The following SRRM4 variants were observed in gnomAD, a reference collection of about 807,000 sequenced individuals.
The protein encoded by SRRM4 is serine/arginine repetitive matrix protein 4.
In SRRM4, 33 loss-of-function variants were observed where a neutral mutation model predicts 68.9. The observed-to-expected ratio is 0.48, with a 90% CI of 0.36 to 0.64. SRRM4 has a LOEUF of 0.64. Among genes scored for constraint, SRRM4 ranks in the 30% least tolerant of loss-of-function variants. The pLI, the probability that SRRM4 is intolerant of heterozygous loss-of-function variation, is 0.00. For missense variants in SRRM4, 817 were observed against 827.1 expected, an observed-to-expected ratio of 0.99 and a Z score of 0.15; for synonymous variants, 318 against 318.8, an observed-to-expected ratio of 1.00 and a Z score of 0.03.
chr12:119,104,217 A>G (rs1417436800), intron 2 of SRRM4, among the ~76,000 whole-genome samples: 2 of 152,150 alleles, frequency 1.3e-5, no homozygotes, highest in African/African-American at 4.8e-5. Flanking sequence ...CAGTGAGACT[A>G]GAGCAGAGGA....
chr12:119,113,220 C>T (rs576773357), intron 2 of SRRM4, among the ~76,000 whole-genome samples: 2 of 152,250 alleles, frequency 1.3e-5, no homozygotes, highest in African/African-American at 4.8e-5. Context: ...GATCCAGATT[C>T]TTAAAATGGA....
chr12:119,007,466 GT>G (rs532956486), intron 1 of SRRM4, among the ~76,000 whole-genome samples: 11 of 151,778 alleles, frequency 7.2e-5, no homozygotes, highest in South Asian at 6.3e-4. Flanking sequence ...TGTTGGACAT[GT>G]TTTTTTTATT....
At position 118,995,800 on chromosome 12, in the gene SRRM4, G is replaced by A. The variant is rs78180021; in HGVS notation, c.131+13787G>A. Reference sequence around the variant, plus strand: ...CATGCATCTACCCATCCACCCATCCGTTTATCATGCATTTACTCATCATCT... The same window carrying A: ...CATGCATCTACCCATCCACCCATCCATTTATCATGCATTTACTCATCATCT... On this transcript the variant is annotated intron_variant, in intron 1 of 12. Transcript: ENST00000267260. Among the ~76,000 whole-genome samples the A allele has an allele frequency of 9.6e-3, 1,465 of 152,068 alleles. 31 individuals carry two copies. The highest frequency in any genetic ancestry group is 0.034 in the African/African-American group (1,399 of 41,464).
chr12:119,075,713 ATGT>A (rs1225376589), intron 1 of SRRM4, among the ~76,000 whole-genome samples: 5 of 147,642 alleles, frequency 3.4e-5, no homozygotes, highest in South Asian at 2.2e-4. Context: ...GATGATGGTG[ATGT>A]TGATGATGGT....
chr12:119,113,356 A>G (rs1337597464), intron 2 of SRRM4, among the ~76,000 whole-genome samples: 1 of 152,232 alleles, frequency 6.6e-6, no homozygotes, highest in African/African-American at 2.4e-5. Context: ...GGAATCACAC[A>G]GGCCTTGATT....
intron 8 of SRRM4, among the ~76,000 whole-genome samples, chr12:119,137,802 A>G (rs1311228880): frequency 6.6e-6 from 1 of 152,198 alleles, no homozygotes; most frequent in Non-Finnish European, 1.5e-5. Flanking sequence ...GAAAGAGTTT[A>G]TAATAACTCT....
intron 1 of SRRM4, chr12:118,992,055 G>A (rs1953320030): frequency 1.3e-5 from 2 of 152,126 alleles, no homozygotes. Flanking sequence ...ACATATATTG[G>A]GGTTTTGTTC....
intron 8 of SRRM4, among the ~76,000 whole-genome samples, chr12:119,141,821 G>C (rs1300829390): frequency 6.6e-6 from 1 of 152,208 alleles, no homozygotes; most frequent in African/African-American, 2.4e-5. Context: ...GAGGAACAGG[G>C]CTGTGGCAAA....
At chr12:119,151,689 T>C (rs532603193) in intron 10 of SRRM4, among the ~76,000 whole-genome samples, 4 of 152,240 alleles carry the variant, frequency 2.6e-5, no homozygotes, top group Admixed American at 1.3e-4. Flanking sequence ...ACGCCTTTGA[T>C]TGACTGGTGG....
intron 1 of SRRM4, among the ~76,000 whole-genome samples, chr12:119,061,509 T>C (rs1953812264): frequency 6.6e-6 from 1 of 152,224 alleles, no homozygotes. Flanking sequence ...AACCTACTAG[T>C]TACATTACTT....
At chr12:119,009,256 C>T (rs1953434418) in intron 1 of SRRM4, among the ~76,000 whole-genome samples, 1 of 151,842 alleles carries the variant, frequency 6.6e-6, no homozygotes, top group Non-Finnish European at 1.5e-5. Flanking sequence ...GGGGACTGGA[C>T]GAGATCGGGA....
chr12:119,042,118 C>A (rs1216253975), intron 1 of SRRM4, among the ~76,000 whole-genome samples: 1 of 152,116 alleles, frequency 6.6e-6, no homozygotes, highest in Admixed American at 6.5e-5. Flanking sequence ...CCCAAGAACA[C>A]GCAGTCAGTG....
intron 2 of SRRM4, among the ~76,000 whole-genome samples, chr12:119,106,723 G>C (rs1246642080): frequency 6.6e-6 from 1 of 152,178 alleles, no homozygotes; most frequent in Non-Finnish European, 1.5e-5. Flanking sequence ...AGACAATGGG[G>C]TTTTATAAAT....
chr12:119,046,478 G>T (rs2136014652), intron 1 of SRRM4, among the ~76,000 whole-genome samples: 1 of 152,244 alleles, frequency 6.6e-6, no homozygotes, highest in East Asian at 1.9e-4. Context: ...GATTAAATGA[G>T]ACAACCTGTG....
At chr12:119,091,659 A>G (rs767569085) in intron 1 of SRRM4, among the ~76,000 whole-genome samples, 7 of 152,208 alleles carry the variant, frequency 4.6e-5, no homozygotes, top group Non-Finnish European at 8.8e-5. Flanking sequence ...CGGTTTCACC[A>G]GGGAGGTGAA....
intron 2 of SRRM4, among the ~76,000 whole-genome samples, chr12:119,106,431 C>T (rs953133769): frequency 6.6e-6 from 1 of 152,048 alleles, no homozygotes. Context: ...TTGATTCTTC[C>T]TATCCATGAG....
chr12:119,102,206 AC>A, intron 1 of SRRM4, 29 bp from the exon 2 acceptor site: 9 of 1,591,934 alleles, frequency 5.7e-6, no homozygotes, highest in Non-Finnish European at 7.7e-6. Context: ...ATATTCTAAC[AC>A]TTTTGTGTCC....
chr12:119,089,255 G>A (rs1460576074), intron 1 of SRRM4, among the ~76,000 whole-genome samples: 2 of 152,118 alleles, frequency 1.3e-5, no homozygotes, highest in Non-Finnish European at 2.9e-5. Flanking sequence ...TGGAGCCACG[G>A]GGAACCCACC....
At position 119,077,342 on chromosome 12, in the gene SRRM4, C is replaced by T. The variant is rs78116665; in HGVS notation, c.132-24894C>T. Among the ~76,000 whole-genome samples the T allele has an allele frequency of 3.2e-3, 480 of 152,246 alleles. 1 individual carries two copies. Among genetic ancestry groups the T allele is most frequent in the South Asian group, 0.015 (71 of 4,828 alleles). On this transcript the variant is annotated intron_variant, in intron 1 of 12. Coordinates refer to ENST00000267260, the MANE Select transcript of SRRM4 (RefSeq NM_194286.4). ...CTAGGTGATTTTGATATAAGTGATC[C>T]ATGGGCCACACTGAGAAATACTAGA...
Sources: allele counts gnomAD v4.1 joint callset (sites outside exome capture counted in the v4.1 genomes callset), GRCh38; gene constraint gnomAD v4.1.1; transcripts MANE v1.5; gene names NCBI Gene and HGNC (gene_info 2026-07-23, HGNC 2026-07-21).